Variants in DAB1 observed in about 807,000 individuals in gnomAD.
DAB1 encodes the protein DAB adaptor protein 1, also known as disabled homolog 1.
DAB1 carries 15 observed loss-of-function variants against 64.6 expected under a neutral mutation model. That is an observed-to-expected ratio of 0.23 (90% CI 0.16 to 0.36). The LOEUF is 0.36. Ranked by LOEUF, DAB1 falls within the 10% of genes least tolerant of loss-of-function variation. The probability of loss-of-function intolerance (pLI) is 1.00; values close to 1 mark genes in which losing one functional copy is unlikely to be tolerated. For synonymous variants in DAB1, 235 were observed against 251.9 expected, an observed-to-expected ratio of 0.93 and a Z score of 0.64; for missense variants, 596 against 706.7, an observed-to-expected ratio of 0.84 and a Z score of 1.78.
chr1:57,769,966 T>G (rs1649485231), intron 6 of DAB1, among the ~76,000 whole-genome samples: 1 of 152,140 alleles, frequency 6.6e-6, no homozygotes, highest in Admixed American at 6.6e-5. Flanking sequence ...ACATGTGTTA[T>G]AGTCACTGCT....
At chr1:57,032,948 A>G (rs1437613784) in intron 9 of DAB1, among the ~76,000 whole-genome samples, 5 of 152,186 alleles carry the variant, frequency 3.3e-5, no homozygotes, top group Admixed American at 2.6e-4. Context: ...AATTCCTACT[A>G]TATCATGTTA....
intron 1 of DAB1, among the ~76,000 whole-genome samples, chr1:57,830,624 T>C (rs1290865369): frequency 2.0e-5 from 3 of 152,154 alleles, no homozygotes; most frequent in Non-Finnish European, 2.9e-5. Context: ...CAGGAAAGAA[T>C]TGACACACAG....
chr1:57,923,689 G>A (rs1347768962), intron 5 of DAB1, among the ~76,000 whole-genome samples: 1 of 152,242 alleles, frequency 6.6e-6, no homozygotes, highest in East Asian at 1.9e-4. Flanking sequence ...GTGTCTCAAT[G>A]TTGTCGTGGA....
In DAB1 at chr1:57,290,747, T is replaced by G. The variant is rs61767388; in HGVS notation, c.67+217A>C. ...AGATACTCCTTTATATCATTCCAGA[T>G]ATTTAAAAACTCATTCCTGTGCAGA... On this transcript the variant is annotated intron_variant, in intron 2 of 14. Transcript: ENST00000371236. 8.1e-3 allele frequency among the ~76,000 whole-genome samples: 1,237 copies of G among 152,294 alleles called. 29 individuals are homozygous for G. Among genetic ancestry groups the G allele is most frequent in the East Asian group, 0.079 (408 of 5,182 alleles).
intron 3 of DAB1, among the ~76,000 whole-genome samples, chr1:58,345,495 C>T (rs6685809): frequency 0.022 from 3,333 of 152,256 alleles, 120 homozygotes; most frequent in African/African-American, 0.077. Flanking sequence ...CCTCCATTCC[C>T]TGGTCTTCGG....
Position 57,334,136 on chromosome 1 carries a change from C to A in DAB1, c.-136-42970G>T, listed in dbSNP as rs983525258. Among the ~76,000 whole-genome samples the A allele has an allele frequency of 7.9e-5, 12 of 152,290 alleles. No homozygotes were observed. In the East Asian group the frequency reaches 2.3e-3, roughly 29 times the overall value. On this transcript the variant is annotated intron_variant, in intron 1 of 14. Coordinates refer to ENST00000371236, the MANE Select transcript of DAB1 (RefSeq NM_001365792.1). The stretch of plus-strand genomic sequence containing the variant: ...GTATAAGTGGGGAAGTAAGGCCCAG[C>A]CAAGTTCACCATGATGAATATGGAG...
chr1:57,939,518 A>C (rs1324378644), intron 5 of DAB1, among the ~76,000 whole-genome samples: 1 of 152,136 alleles, frequency 6.6e-6, no homozygotes, highest in African/African-American at 2.4e-5. Flanking sequence ...TTTCCGTTCA[A>C]TTTCATCAGC....
intron 4 of DAB1, among the ~76,000 whole-genome samples, chr1:58,297,224 T>A (rs920999245): frequency 2.0e-5 from 3 of 152,174 alleles, no homozygotes; most frequent in African/African-American, 7.2e-5. Context: ...ATTTTAGAGT[T>A]GTGAGAATTA....
At chr1:57,956,890 G>A (rs190288519) in intron 5 of DAB1, among the ~76,000 whole-genome samples, 3 of 152,304 alleles carry the variant, frequency 2.0e-5, no homozygotes, top group East Asian at 1.9e-4. Context: ...GTGGAGAAGA[G>A]TTAGCTTATT....
chr1:57,475,133 C>G (rs1414277215), intron 7 of DAB1, among the ~76,000 whole-genome samples: 2 of 152,052 alleles, frequency 1.3e-5, no homozygotes, highest in East Asian at 3.9e-4. Flanking sequence ...AAAAATTAGC[C>G]AGGCGCAGTG....
intron 2 of DAB1, among the ~76,000 whole-genome samples, chr1:57,222,083 G>GA (rs1413464726): frequency 3.3e-5 from 5 of 152,030 alleles, no homozygotes; most frequent in African/African-American, 1.2e-4. Flanking sequence ...AATTCAGTGA[G>GA]AAAAATATTA....
At chr1:58,275,858 G>T (rs1220205279) in intron 4 of DAB1, among the ~76,000 whole-genome samples, 2 of 152,156 alleles carry the variant, frequency 1.3e-5, no homozygotes, top group Non-Finnish European at 2.9e-5. Flanking sequence ...TAGTCTCAAA[G>T]AGATATTTGT....
intron 4 of DAB1, among the ~76,000 whole-genome samples, chr1:57,099,325 T>C (rs980422821): frequency 6.6e-6 from 1 of 152,246 alleles, no homozygotes; most frequent in African/African-American, 2.4e-5. Context: ...ATATGCATTG[T>C]GTTTAGCATG....
intron 4 of DAB1, among the ~76,000 whole-genome samples, chr1:58,274,090 A>G (rs1482251289): frequency 7.2e-6 from 1 of 139,632 alleles, no homozygotes. Flanking sequence ...GGTGCTCTGC[A>G]TTTTAGAGTT....
chr1:57,163,437 C>T (rs1660945025), intron 2 of DAB1, among the ~76,000 whole-genome samples: 1 of 151,896 alleles, frequency 6.6e-6, no homozygotes, highest in African/African-American at 2.4e-5. Flanking sequence ...ATGATCACAG[C>T]AGAGCAAGCA....
intron 5 of DAB1, among the ~76,000 whole-genome samples, chr1:58,128,829 C>G (rs2100689874): frequency 6.8e-6 from 1 of 148,134 alleles, no homozygotes; most frequent in East Asian, 2.0e-4. Flanking sequence ...GGTGGATAAG[C>G]TTTTTGATGT....
chr1:58,062,943 A>G (rs1648595124), intron 5 of DAB1, among the ~76,000 whole-genome samples: 1 of 152,248 alleles, frequency 6.6e-6, no homozygotes, highest in East Asian at 1.9e-4. Flanking sequence ...CAAACTCAGC[A>G]TATGAACTAA....
intron 3 of DAB1, among the ~76,000 whole-genome samples, chr1:58,347,620 A>G (rs1644013952): frequency 6.6e-6 from 1 of 152,212 alleles, no homozygotes; most frequent in South Asian, 2.1e-4. Flanking sequence ...CTTGATATGC[A>G]GGAAATTATT....
chr1:58,142,342 A>G (rs572369465), intron 5 of DAB1, among the ~76,000 whole-genome samples: 10 of 152,228 alleles, frequency 6.6e-5, no homozygotes, highest in African/African-American at 2.4e-4. Context: ...TGAGCTAAGC[A>G]TATGATTTTT....
Sources: allele counts gnomAD v4.1 joint callset (sites outside exome capture counted in the v4.1 genomes callset), GRCh38; gene constraint gnomAD v4.1.1; transcripts MANE v1.5; gene names NCBI Gene and HGNC (gene_info 2026-07-23, HGNC 2026-07-21).